The following KNL1 variants were observed in gnomAD, a reference collection of about 807,000 sequenced individuals.
KNL1 encodes kinetochore scaffold 1.
In KNL1, 66 loss-of-function variants were observed where a neutral mutation model predicts 201.3. The observed-to-expected ratio is 0.33, with a 90% CI of 0.27 to 0.40. The LOEUF is 0.40. Among genes scored for constraint, KNL1 ranks in the 10% least tolerant of loss-of-function variants. The pLI is 1.00. For synonymous variants in KNL1, 895 were observed against 899.2 expected, an observed-to-expected ratio of 1.00 and a Z score of 0.08; for missense variants, 2,815 against 2,690.5, an observed-to-expected ratio of 1.05 and a Z score of -1.02.
At position 40,662,447 on chromosome 15, in the gene KNL1, CT is replaced by C; in HGVS notation, c.*260del. ...GTAATAGGACACTTAGGAAAAATGT[CT>C]CCTAACTAAACTAGTGCTTTCTGCT... On this transcript the variant is annotated 3_prime_UTR_variant, in exon 26 of 26. Coordinates refer to ENST00000399668, the MANE Select transcript of KNL1 (RefSeq NM_144508.5). 1 of 339,596 alleles carries C rather than the reference CT, an allele frequency of 2.9e-6. No individual in the cohort carries two copies. The highest frequency in any genetic ancestry group is 4.7e-5 in the East Asian group (1 of 21,428). 21.0% of individuals were successfully genotyped at this position (339,596 alleles called of 1,614,324 possible). A position where few individuals can be genotyped will look rare whatever the true frequency, so the allele number is the denominator to read the frequency against.
Position 40,621,915 on chromosome 15 carries a change from C to G in KNL1, c.1651C>G (p.Leu551Val), listed in dbSNP as rs760150391. 1.2e-6 allele frequency: 2 copies of G among 1,613,458 alleles called. No individual in the cohort carries two copies. Among genetic ancestry groups the G allele is most frequent in the Admixed American group, 1.7e-5 (1 of 59,948 alleles). ...ATCTAAGGAAAGAATACAGCAGAGC[C>G]TGTCAAATCCTTTGTCTATTTCATT... Reference protein sequence around the residue: ...HVSKERIQQSLSNPLSISLTD... With the variant: ...HVSKERIQQSVSNPLSISLTD... Residue 551 changes from leucine (L) to valine (V), a missense_variant, in exon 10 of 26, where the codon CTG (leucine) becomes GTG (valine). Leu to Val is a conservative substitution (Grantham distance 32). This residue lies in a region of KNL1 where 2,464 missense variants were observed against 2,291.7 expected (regional missense o/e 1.08). Coordinates refer to ENST00000399668, the MANE Select transcript of KNL1 (RefSeq NM_144508.5).
rs2141723262 is a variant in KNL1 at position 40,623,413 on chromosome 15, G to A, written c.3149G>A (p.Ser1050Asn). 6.2e-7 allele frequency: 1 copy of A among 1,613,718 alleles called. No homozygotes were observed. Among genetic ancestry groups the A allele is most frequent in the South Asian group, 1.1e-5 (1 of 91,050 alleles). The change falls in exon 10 of 26, where the codon AGT (serine) becomes AAT (asparagine). Residue 1050 changes from serine (S) to asparagine (N), a missense_variant. Ser to Asn is a conservative substitution (Grantham distance 46). Coordinates refer to ENST00000399668, the MANE Select transcript of KNL1 (RefSeq NM_144508.5). ...ATCKNIKDVQSPGFLNEPLSS... is the reference protein window; with the variant it reads ...ATCKNIKDVQNPGFLNEPLSS... ...TGCAAAAACATCAAAGATGTACAAAGTCCTGGATTTCTGAATGAACCTCTA... is the reference window on the plus strand; with the variant it reads ...TGCAAAAACATCAAAGATGTACAAAATCCTGGATTTCTGAATGAACCTCTA...
At position 40,606,542 on chromosome 15, in the gene KNL1, T is replaced by C. The variant is rs977725048; in HGVS notation, c.135+90T>C. ...TTATTAGCTATTTGAAGAGGAAATGTGTAAGCATCCCATGAGTTTCCAAAC... is the reference window on the plus strand; with the variant it reads ...TTATTAGCTATTTGAAGAGGAAATGCGTAAGCATCCCATGAGTTTCCAAAC... On this transcript the variant is annotated intron_variant, in intron 4 of 25. Coordinates refer to ENST00000399668, the MANE Select transcript of KNL1 (RefSeq NM_144508.5). 17 of 738,650 alleles carry C rather than the reference T, an allele frequency of 2.3e-5. 1 individual carries two copies. The highest frequency in any genetic ancestry group is 9.8e-5 in the South Asian group (6 of 61,098). The allele number at this position is 738,650 out of a possible 1,614,324, so 45.8% of individuals were successfully genotyped here. A position where few individuals can be genotyped will look rare whatever the true frequency, so the allele number is the denominator to read the frequency against.
chr15:40,659,772 G>A (rs1436723826), intron 25 of KNL1, among the ~76,000 whole-genome samples: 10 of 151,722 alleles, frequency 6.6e-5, no homozygotes, highest in African/African-American at 2.4e-4. Flanking sequence ...GAGCCACCGC[G>A]CCCAGCAAGG....
rs987010108 is a variant in KNL1, at chr15:40,595,327, G to C, written c.-18+935G>C. 2.0e-5 allele frequency among the ~76,000 whole-genome samples: 3 copies of C among 152,218 alleles called. No individual in the cohort carries two copies. The South Asian group carries it at 6.2e-4, about 31-fold the overall frequency. On this transcript the variant is annotated intron_variant, in intron 1 of 25. Coordinates refer to ENST00000399668, the MANE Select transcript of KNL1 (RefSeq NM_144508.5). ...AAAGATTATAGGACATTCTAAAGTG[G>C]TGTGGGAGCACGGAAAAGGGAGAGC...
At chr15:40,652,940 T>G (rs1893615287) in intron 21 of KNL1, among the ~76,000 whole-genome samples, 1 of 152,092 alleles carries the variant, frequency 6.6e-6, no homozygotes, top group Admixed American at 6.6e-5. Flanking sequence ...CTTTTAGGTA[T>G]TTTCTCTTTA....
intron 21 of KNL1, among the ~76,000 whole-genome samples, chr15:40,654,356 G>C (rs1893656613): frequency 6.6e-6 from 1 of 152,118 alleles, no homozygotes; most frequent in African/African-American, 2.4e-5. Context: ...GGGGTTAAAA[G>C]AGGAGGCCTT....
At chr15:40,611,189 A>G (rs1394566548) in intron 6 of KNL1, among the ~76,000 whole-genome samples, 3 of 151,008 alleles carry the variant, frequency 2.0e-5, no homozygotes, top group African/African-American at 4.9e-5. Context: ...GCTAACTGCA[A>G]TCTCTGCCTC....
chr15:40,594,599 G>A (rs558117564), intron 1 of KNL1, among the ~76,000 whole-genome samples: 86 of 152,240 alleles, frequency 5.6e-4, no homozygotes, highest in Non-Finnish European at 1.1e-3. Context: ...GCCGCCTCCC[G>A]CTTCCCTAAC....
chr15:40,661,721 T>G (rs986880445), intron 25 of KNL1, among the ~76,000 whole-genome samples: 1 of 151,950 alleles, frequency 6.6e-6, no homozygotes, highest in Non-Finnish European at 1.5e-5. Context: ...TCCACTGAAT[T>G]AGAGACAAGT....
chr15:40,624,652 A>C lies in KNL1; in HGVS notation c.4388A>C (p.Glu1463Ala). 6.2e-7 allele frequency: 1 copy of C among 1,613,862 alleles called. No homozygotes were observed. Among genetic ancestry groups the C allele is most frequent in the South Asian group, 1.1e-5 (1 of 91,064 alleles). ...AAAGGACAGAGTAGTATCAATAAAG[A>C]AGAAGTAATACTGTCTAAAGCTGGA... ...PKKGQSSINK[E>A]EVILSKAGNK... The change falls in exon 10 of 26, where the codon GAA becomes GCA. Residue 1463 changes from glutamate to alanine, a missense_variant. By Grantham distance (107) the Glu-to-Ala change is moderately radical. Around this residue, in one of 3 missense-constraint regions of KNL1, gnomAD observed 2,464 missense variants for 2,291.7 expected, o/e 1.08. Transcript: ENST00000399668.
intron 15 of KNL1, among the ~76,000 whole-genome samples, 191 bp downstream of exon 15, chr15:40,645,278 C>G (rs952078140): frequency 3.9e-5 from 6 of 152,184 alleles, no homozygotes; most frequent in African/African-American, 1.4e-4. Context: ...CTGAGATGAT[C>G]AATTTAATAT....
chr15:40,654,311 T>C (rs908820856), intron 21 of KNL1, among the ~76,000 whole-genome samples: 5 of 152,218 alleles, frequency 3.3e-5, no homozygotes, highest in African/African-American at 1.2e-4. Context: ...CCTTATATGA[T>C]TGCTGAAAAT....
intron 21 of KNL1, among the ~76,000 whole-genome samples, chr15:40,652,685 C>T (rs1294883924): frequency 6.7e-6 from 1 of 148,550 alleles, no homozygotes; most frequent in African/African-American, 2.5e-5. Flanking sequence ...ATCATTCGAA[C>T]CCAGGAGGTG....
intron 8 of KNL1, 159 bp downstream of exon 8, chr15:40,615,537 G>T: frequency 3.9e-6 from 1 of 255,574 alleles, no homozygotes; most frequent in South Asian, 5.6e-5. Flanking sequence ...GGCAGGCTGA[G>T]GCAGGCAGAT....
chr15:40,657,406 G>A lies in KNL1; in HGVS notation c.6646G>A (p.Glu2216Lys). 6.2e-7 allele frequency: 1 copy of A among 1,608,914 alleles called. No individual in the cohort carries two copies. The highest frequency in any genetic ancestry group is 8.5e-7 in the Non-Finnish European group (1 of 1,175,218). The change falls in exon 24 of 26, where the codon GAG (glutamate) becomes AAG (lysine). Residue 2216 changes from glutamate to lysine, a missense_variant. Physicochemically the swap from Glu to Lys is moderately conservative, Grantham distance 56. Coordinates refer to ENST00000399668, the MANE Select transcript of KNL1 (RefSeq NM_144508.5). ...VVHHCRLLGEEIEYLKRWGPN... is the reference protein window; with the variant it reads ...VVHHCRLLGEKIEYLKRWGPN... ...GCACCATTGCAGACTCCTTGGAGAGGAGATTGAGTATTTAAAGAGATGGGG... is the reference window on the plus strand; with the variant it reads ...GCACCATTGCAGACTCCTTGGAGAGAAGATTGAGTATTTAAAGAGATGGGG...
At chr15:40,611,201 C>G (rs1470086861) in intron 6 of KNL1, among the ~76,000 whole-genome samples, 1 of 151,128 alleles carries the variant, frequency 6.6e-6, no homozygotes, top group Non-Finnish European at 1.5e-5. Context: ...CTCTGCCTCC[C>G]AGGTTCAAGC....
At chr15:40,642,017 A>C (rs964190307) in intron 14 of KNL1, among the ~76,000 whole-genome samples, 3 of 152,244 alleles carry the variant, frequency 2.0e-5, no homozygotes, top group Non-Finnish European at 4.4e-5. Flanking sequence ...ATTTGAACCA[A>C]TCTAACAGAA....
chr15:40,602,733 C>A (rs1366780842), intron 1 of KNL1, among the ~76,000 whole-genome samples, 182 bp from the exon 2 acceptor site: 4 of 151,996 alleles, frequency 2.6e-5, no homozygotes, highest in Non-Finnish European at 5.9e-5. Flanking sequence ...GATCTGCCTG[C>A]CTCGGCCTCC....
Sources: gnomAD v4.1 joint callset for allele counts (sites outside exome capture counted in the v4.1 genomes callset) on GRCh38, gnomAD v4.1.1 for gene constraint, gnomAD v4.1.1 regional missense constraint, MANE v1.5 for transcripts, NCBI Gene and HGNC (gene_info 2026-07-23, HGNC 2026-07-21) for gene names.